Variants in ATRNL1 observed in about 807,000 individuals in gnomAD.
The protein encoded by ATRNL1 is attractin like 1.
A neutral mutation model predicts 182.7 loss-of-function variants in ATRNL1; 95 were observed. That is an observed-to-expected ratio of 0.52 (90% CI 0.44 to 0.62). The LOEUF (loss-of-function observed/expected upper bound fraction) is 0.62, where lower values mean the gene tolerates loss of function less well. ATRNL1 is among the 20% of genes least tolerant of loss of function. The pLI, the probability that ATRNL1 is intolerant of heterozygous loss-of-function variation, is 0.00. For synonymous variants in ATRNL1, 576 were observed against 568.3 expected, an observed-to-expected ratio of 1.01 and a Z score of -0.19; for missense variants, 1,471 against 1,679.5, an observed-to-expected ratio of 0.88 and a Z score of 2.17.
At chr10:115,666,796 G>T (rs1246292408) in intron 26 of ATRNL1, among the ~76,000 whole-genome samples, 1 of 151,620 alleles carries the variant, frequency 6.6e-6, no homozygotes, top group African/African-American at 2.4e-5. Context: ...AAGTTCTATT[G>T]GACAGCACTC....
intron 17 of ATRNL1, among the ~76,000 whole-genome samples, chr10:115,305,758 G>C (rs116212221): frequency 6.6e-6 from 1 of 152,094 alleles, no homozygotes; most frequent in Non-Finnish European, 1.5e-5. Flanking sequence ...TTAGAAATGC[G>C]TATTTAGGTG....
intron 19 of ATRNL1, among the ~76,000 whole-genome samples, chr10:115,347,623 A>G (rs542894228): frequency 6.6e-6 from 1 of 152,260 alleles, no homozygotes; most frequent in South Asian, 2.1e-4. Context: ...AAAGCTTTAA[A>G]TATACTGCAG....
intron 26 of ATRNL1, among the ~76,000 whole-genome samples, chr10:115,572,944 G>T (rs1854487011): frequency 6.6e-6 from 1 of 152,034 alleles, no homozygotes; most frequent in Admixed American, 6.5e-5. Flanking sequence ...GAGCGCTTTG[G>T]GCTCCAACTC....
intron 18 of ATRNL1, among the ~76,000 whole-genome samples, chr10:115,329,589 A>T (rs992347866): frequency 6.6e-6 from 1 of 151,998 alleles, no homozygotes; most frequent in East Asian, 1.9e-4. Flanking sequence ...TAAATTCTCG[A>T]TTGTTCTATC....
intron 18 of ATRNL1, among the ~76,000 whole-genome samples, chr10:115,316,640 GA>G (rs1367621984): frequency 2.0e-5 from 3 of 152,086 alleles, no homozygotes; most frequent in African/African-American, 7.2e-5. Flanking sequence ...TTGTGGTTTT[GA>G]TTTGCATTTC....
intron 10 of ATRNL1, among the ~76,000 whole-genome samples, chr10:115,247,973 C>A (rs1554904496): frequency 6.6e-6 from 1 of 152,024 alleles, no homozygotes; most frequent in Admixed American, 6.6e-5. Context: ...AAAAAAAGTT[C>A]ATCTCATAGA....
chr10:115,316,092 CTG>C (rs1854289139), intron 18 of ATRNL1, among the ~76,000 whole-genome samples: 1 of 151,942 alleles, frequency 6.6e-6, no homozygotes, highest in South Asian at 2.1e-4. Context: ...GACCCATCCT[CTG>C]AGTTTCTTCC....
At chr10:115,558,365 T>C (rs1853450223) in intron 26 of ATRNL1, among the ~76,000 whole-genome samples, 3 of 152,156 alleles carry the variant, frequency 2.0e-5, no homozygotes, top group Admixed American at 6.5e-5. Flanking sequence ...TTGAGGTTCT[T>C]ATTGGCTACC....
chr10:115,463,135 T>C (rs1452248103), intron 22 of ATRNL1, among the ~76,000 whole-genome samples: 1 of 151,896 alleles, frequency 6.6e-6, no homozygotes, highest in Non-Finnish European at 1.5e-5. Context: ...ATATTAATAC[T>C]ATGACATTTT....
At chr10:115,151,482 G>A (rs535174973) in intron 5 of ATRNL1, among the ~76,000 whole-genome samples, 3 of 152,300 alleles carry the variant, frequency 2.0e-5, no homozygotes, top group African/African-American at 7.2e-5. Flanking sequence ...GTGATGATGA[G>A]CATTTTTTCA....
chr10:115,880,840 G>C (rs1215973011), intron 28 of ATRNL1, among the ~76,000 whole-genome samples: 2 of 152,140 alleles, frequency 1.3e-5, no homozygotes, highest in African/African-American at 4.8e-5. Context: ...TAATCAATGA[G>C]GTTTGAAAGG....
intron 19 of ATRNL1, among the ~76,000 whole-genome samples, chr10:115,345,004 A>C (rs1281885110): frequency 6.6e-6 from 1 of 151,946 alleles, no homozygotes; most frequent in African/African-American, 2.4e-5. Context: ...CTTTTCCCAC[A>C]CCTCTTCTCA....
At chr10:115,856,288 C>A (rs982448455) in intron 28 of ATRNL1, among the ~76,000 whole-genome samples, 2 of 151,632 alleles carry the variant, frequency 1.3e-5, no homozygotes, top group Non-Finnish European at 2.9e-5. Context: ...ATTAGCCAGG[C>A]GTGGTGGCAG....
At chr10:115,802,021 A>AACACACACACACACAC (rs60513803) in intron 27 of ATRNL1, among the ~76,000 whole-genome samples, 4,880 of 125,912 alleles carry the variant, frequency 0.039, 174 homozygotes, top group South Asian at 0.077. Context: ...AAAAAAAAGA[A>AACACACACACACACAC]ACACACACAC....
chr10:115,828,687 A>G (rs1950493566), intron 27 of ATRNL1, among the ~76,000 whole-genome samples: 1 of 152,072 alleles, frequency 6.6e-6, no homozygotes, highest in Admixed American at 6.5e-5. Context: ...TACCTCCCTA[A>G]ATTTTATTAC....
At chr10:115,605,527 A>G (rs1267510066) in intron 26 of ATRNL1, among the ~76,000 whole-genome samples, 3 of 151,920 alleles carry the variant, frequency 2.0e-5, no homozygotes, top group African/African-American at 7.2e-5. Context: ...TTGATTTCCA[A>G]TTTTTTTGAC....
intron 28 of ATRNL1, among the ~76,000 whole-genome samples, chr10:115,943,706 C>T (rs1349585415): frequency 2.6e-5 from 4 of 151,004 alleles, no homozygotes; most frequent in Non-Finnish European, 4.4e-5. Flanking sequence ...GTTATGTTCA[C>T]ATAAAAACCT....
At chr10:115,256,808 A>G (rs1851162272) in intron 10 of ATRNL1, among the ~76,000 whole-genome samples, 2 of 152,104 alleles carry the variant, frequency 1.3e-5, no homozygotes, top group Non-Finnish European at 2.9e-5. Context: ...ACTGCTTTGA[A>G]TGTGTCCCAG....
intron 26 of ATRNL1, among the ~76,000 whole-genome samples, chr10:115,719,212 T>C (rs1326996908): frequency 1.3e-5 from 2 of 152,224 alleles, no homozygotes; most frequent in African/African-American, 4.8e-5. Flanking sequence ...TTAATGGAGT[T>C]TCTTGACAAG....
Sources: allele counts gnomAD v4.1 joint callset (sites outside exome capture counted in the v4.1 genomes callset), GRCh38; gene constraint gnomAD v4.1.1; transcripts MANE v1.5; gene names NCBI Gene and HGNC (gene_info 2026-07-23, HGNC 2026-07-21).